NKAIN3: variants seen among roughly 807,000 people sequenced by gnomAD.
The protein encoded by NKAIN3 is sodium/potassium-transporting ATPase subunit beta-1-interacting protein 3.
In NKAIN3, 25 loss-of-function variants were observed where a neutral mutation model predicts 30.2. The observed-to-expected ratio is 0.83, with a 90% CI of 0.60 to 1.16. The LOEUF (loss-of-function observed/expected upper bound fraction) is 1.16, where lower values mean the gene tolerates loss of function less well. Among genes scored for constraint, NKAIN3 ranks in the 50% most tolerant of loss-of-function variants. NKAIN3 has a pLI of 0.00. For synonymous variants in NKAIN3, 91 were observed against 89.6 expected, an observed-to-expected ratio of 1.02 and a Z score of -0.09; for missense variants, 225 against 254.1, an observed-to-expected ratio of 0.89 and a Z score of 0.78.
At chr8:62,941,575 T>A (rs142222038) in intron 5 of NKAIN3, among the ~76,000 whole-genome samples, 1 of 152,270 alleles carries the variant, frequency 6.6e-6, no homozygotes, top group East Asian at 1.9e-4. Flanking sequence ...CAAGTGGGTT[T>A]CATACCAGGG....
At chr8:62,892,638 A>T (rs577278029) in intron 4 of NKAIN3, among the ~76,000 whole-genome samples, 2 of 152,196 alleles carry the variant, frequency 1.3e-5, no homozygotes, top group African/African-American at 2.4e-5. Context: ...ACTCTTAAAT[A>T]TAAAGATTAG....
chr8:62,423,519 C>A (rs776219663), intron 1 of NKAIN3, among the ~76,000 whole-genome samples: 2 of 151,364 alleles, frequency 1.3e-5, no homozygotes, highest in African/African-American at 4.8e-5. Context: ...GTCCATCATT[C>A]TCAAATTAAC....
chr8:62,762,966 G>A (rs988559643), intron 4 of NKAIN3, among the ~76,000 whole-genome samples: 5 of 151,992 alleles, frequency 3.3e-5, no homozygotes, highest in African/African-American at 9.7e-5. Context: ...GCTCACACCT[G>A]TAATCCCAGC....
At chr8:62,595,757 G>T (rs547000861) in intron 3 of NKAIN3, among the ~76,000 whole-genome samples, 1 of 152,048 alleles carries the variant, frequency 6.6e-6, no homozygotes, top group African/African-American at 2.4e-5. Context: ...TGTTGAATTG[G>T]GGTGTAGTAG....
intron 4 of NKAIN3, among the ~76,000 whole-genome samples, chr8:62,881,090 G>A (rs975611897): frequency 2.0e-5 from 3 of 152,072 alleles, no homozygotes; most frequent in Non-Finnish European, 4.4e-5. Context: ...TTTATTACAA[G>A]TGTAATATAT....
rs1353399687 is a variant in NKAIN3 at position 62,295,685 on chromosome 8, G to A, written c.54+46558G>A. On this transcript the variant is annotated intron_variant, in intron 1 of 6. Coordinates refer to ENST00000623646, the MANE Select transcript of NKAIN3 (RefSeq NM_001304533.3). ...CTAACAAAAAGAGAAAATCCTGTTT[G>A]TTGGATTCTATTAGCTCCCCTCTTC... Among the ~76,000 whole-genome samples, 3 of 152,132 alleles carry A rather than the reference G, an allele frequency of 2.0e-5. No individual in the cohort carries two copies. The East Asian group carries it at 5.8e-4, about 29-fold the overall frequency.
In NKAIN3 at chr8:62,550,528, T is replaced by G. The variant is rs78977971; in HGVS notation, c.55-29011T>G. On this transcript the variant is annotated intron_variant, in intron 1 of 6. Coordinates refer to ENST00000623646, the MANE Select transcript of NKAIN3 (RefSeq NM_001304533.3). ...GGCATTGGCTGAATTGAACTTGGAA[T>G]TTGAGACATTCTCTATGAACAATGA... Among the ~76,000 whole-genome samples the G allele has an allele frequency of 1.3e-3, 197 of 152,344 alleles. 5 individuals carry two copies. The East Asian group carries it at 0.035, about 27-fold the overall frequency.
rs539026429 is a variant in NKAIN3 at position 62,940,735 on chromosome 8, C to A, written c.533-13167C>A. Among the ~76,000 whole-genome samples the A allele has an allele frequency of 5.3e-5, 8 of 152,074 alleles. No individual in the cohort carries two copies. In the South Asian group the frequency reaches 1.7e-3, roughly 32 times the overall value. On this transcript the variant is annotated intron_variant, in intron 5 of 6. Transcript: ENST00000623646. ...TTTGAACTGAACAATAATAGTAACA[C>A]AACCTATCAAAGCCTCTGAGATACA... is the stretch of plus-strand genomic sequence containing the variant.
chr8:62,375,487 GT>G (rs1817046710), intron 1 of NKAIN3, among the ~76,000 whole-genome samples: 1 of 152,140 alleles, frequency 6.6e-6, no homozygotes, highest in Non-Finnish European at 1.5e-5. Context: ...TTAAGACATA[GT>G]TTAGGCTACT....
At position 62,891,595 on chromosome 8, in the gene NKAIN3, G is replaced by A. The variant is rs908115087; in HGVS notation, c.472-26858G>A. ...AACCCTGACTAATACAGCAAGTGTC[G>A]CTGCGTGGTGGAAAAATCGAGCCAG... On this transcript the variant is annotated intron_variant, in intron 4 of 6. Transcript: ENST00000623646. Among the ~76,000 whole-genome samples, 8 of 152,170 alleles carry A rather than the reference G, an allele frequency of 5.3e-5. No individual in the cohort carries two copies. In the East Asian group the frequency reaches 5.8e-4, roughly 11 times the overall value.
At chr8:62,559,578 C>T (rs1003438374) in intron 1 of NKAIN3, among the ~76,000 whole-genome samples, 1 of 151,896 alleles carries the variant, frequency 6.6e-6, no homozygotes, top group African/African-American at 2.4e-5. Flanking sequence ...AGTGTATCTC[C>T]ATGCATAGCT....
chr8:62,935,397 C>T (rs909744973), intron 5 of NKAIN3, among the ~76,000 whole-genome samples: 4 of 152,124 alleles, frequency 2.6e-5, no homozygotes, highest in African/African-American at 9.7e-5. Flanking sequence ...TGTGCTGGCA[C>T]TCCATCGCCA....
At chr8:62,563,333 A>G (rs550186438) in intron 1 of NKAIN3, among the ~76,000 whole-genome samples, 1 of 152,114 alleles carries the variant, frequency 6.6e-6, no homozygotes, top group Admixed American at 6.6e-5. Flanking sequence ...AGATCAAGCA[A>G]TATCCTTGAG....
At chr8:62,842,718 T>G (rs2130761835) in intron 4 of NKAIN3, among the ~76,000 whole-genome samples, 1 of 152,224 alleles carries the variant, frequency 6.6e-6, no homozygotes, top group South Asian at 2.1e-4. Context: ...GCCTTCATGG[T>G]CAATTGATTT....
intron 4 of NKAIN3, among the ~76,000 whole-genome samples, chr8:62,884,403 C>G (rs1338985685): frequency 6.6e-6 from 1 of 152,088 alleles, no homozygotes; most frequent in Non-Finnish European, 1.5e-5. Flanking sequence ...AGATTACAGG[C>G]ATGCGCCACC....
Position 62,898,075 on chromosome 8 carries a change from T to G in NKAIN3, c.472-20378T>G, listed in dbSNP as rs768965741. 3.7e-4 allele frequency among the ~76,000 whole-genome samples: 57 copies of G among 152,114 alleles called. 1 individual carries two copies. The highest frequency in any genetic ancestry group is 5.9e-4 in the Admixed American group (9 of 15,264). ...TGCACCTGAATTTCATCAAAGCATT[T>G]AGCAATCAATTACACTCCAAAAATA... On this transcript the variant is annotated intron_variant, in intron 4 of 6. Transcript: ENST00000623646.
At chr8:62,586,952 A>G (rs79286533) in intron 2 of NKAIN3, among the ~76,000 whole-genome samples, 1 of 152,046 alleles carries the variant, frequency 6.6e-6, no homozygotes, top group Non-Finnish European at 1.5e-5. Flanking sequence ...TATTTAATAT[A>G]CCTAAATACA....
chr8:62,331,611 T>C (rs1316385894), intron 1 of NKAIN3, among the ~76,000 whole-genome samples: 4 of 152,202 alleles, frequency 2.6e-5, no homozygotes, highest in Admixed American at 6.5e-5. Context: ...CCTTTTTATC[T>C]TCTTTAAGAG....
At chr8:62,436,707 T>C (rs967451412) in intron 1 of NKAIN3, among the ~76,000 whole-genome samples, 1 of 152,156 alleles carries the variant, frequency 6.6e-6, no homozygotes, top group Non-Finnish European at 1.5e-5. Context: ...TTTTAAAAAA[T>C]AATGATGTTA....
Sources: gnomAD v4.1 joint callset for allele counts (sites outside exome capture counted in the v4.1 genomes callset) on GRCh38, gnomAD v4.1.1 for gene constraint, MANE v1.5 for transcripts, NCBI Gene and HGNC (gene_info 2026-07-23, HGNC 2026-07-21) for gene names.